Variants in NEK9 observed in about 807,000 individuals in gnomAD.
NEK9 encodes serine/threonine-protein kinase Nek9.
Under a neutral mutation model 123.4 loss-of-function variants are expected in NEK9, and 75 were observed. That is an observed-to-expected ratio of 0.61 (90% CI 0.50 to 0.74). The LOEUF (loss-of-function observed/expected upper bound fraction) is 0.74, where lower values mean the gene tolerates loss of function less well. Among genes scored for constraint, NEK9 ranks in the 30% least tolerant of loss-of-function variants. NEK9 has a pLI of 0.00. For missense variants in NEK9, 952 were observed against 1,214.4 expected (o/e 0.78, Z 3.21); for synonymous variants, 438 against 458.7 (o/e 0.95, Z 0.58).
At chr14:75,098,710 A>G (rs957434860) in intron 16 of NEK9, among the ~76,000 whole-genome samples, 5 of 152,346 alleles carry the variant, frequency 3.3e-5, no homozygotes, top group South Asian at 2.1e-4. Flanking sequence ...GGACTTGGAC[A>G]TGAATGAGGC....
intron 19 of NEK9, 24 bp from the exon 20 acceptor site, chr14:75,088,665 A>G (rs1261045153): frequency 2.5e-6 from 4 of 1,603,230 alleles, no homozygotes; most frequent in Admixed American, 1.7e-5. Context: ...AAAGAATCTC[A>G]TTAGTCTGTT....
Position 75,082,932 on chromosome 14 carries a change from A to G in NEK9, c.*1632T>C. On this transcript the variant is annotated 3_prime_UTR_variant, in exon 22 of 22. Transcript: ENST00000238616. ...AAGAAAAGGTTTCAGTGATTACATTAGTACTAATGTACTAGGCTTCCCAGA... is the reference window on the plus strand; with the variant it reads ...AAGAAAAGGTTTCAGTGATTACATTGGTACTAATGTACTAGGCTTCCCAGA... 4 of 398,662 alleles carry G rather than the reference A, an allele frequency of 1.0e-5. No homozygotes were observed. The highest frequency in any genetic ancestry group is 1.8e-5 in the Non-Finnish European group (4 of 226,076). 24.7% of individuals were successfully genotyped at this position (398,662 alleles called of 1,614,324 possible).
chr14:75,097,114 G>C lies in NEK9; in HGVS notation c.2159C>G (p.Thr720Ser). 1 of 1,608,822 alleles carries C rather than the reference G, an allele frequency of 6.2e-7. No individual in the cohort carries two copies. The change falls in exon 17 of 22, where the codon ACC becomes AGC. Residue 720 changes from threonine (T) to serine (S), a missense_variant. Physicochemically the swap from Thr to Ser is moderately conservative, Grantham distance 58. Transcript: ENST00000238616. ...VPDLSCRGWH[T>S]ILIVEKVLNS... The stretch of plus-strand genomic sequence containing the variant: ...GAAACTCTTACCAACGATGAGAATG[G>C]TATGCCATCCACGGCAAGACAGGTC...
rs1893954027 is a variant in NEK9, at chr14:75,084,420, T to C, written c.*144A>G. 1 of 918,304 alleles carries C rather than the reference T, an allele frequency of 1.1e-6. No homozygotes were observed. Among genetic ancestry groups the C allele is most frequent in the Non-Finnish European group, 1.7e-6 (1 of 593,436 alleles). 56.9% of individuals were successfully genotyped at this position (918,304 alleles called of 1,614,324 possible). Reference sequence around the variant, plus strand: ...AAAAGGCAATGCCACTCTCCAAATGTACAAGGAAAGTGCTTCAGAGCCTCT... The same window carrying C: ...AAAAGGCAATGCCACTCTCCAAATGCACAAGGAAAGTGCTTCAGAGCCTCT... On this transcript the variant is annotated 3_prime_UTR_variant, in exon 22 of 22. Transcript: ENST00000238616.
At chr14:75,115,606 G>A (rs1566657365) in intron 6 of NEK9, among the ~76,000 whole-genome samples, 1 of 152,174 alleles carries the variant, frequency 6.6e-6, no homozygotes, top group Non-Finnish European at 1.5e-5. Flanking sequence ...TTGTTACCAT[G>A]TTATAGATAA....
At chr14:75,122,103 T>TA (rs1895357745) in intron 2 of NEK9, among the ~76,000 whole-genome samples, 1 of 152,192 alleles carries the variant, frequency 6.6e-6, no homozygotes, top group Non-Finnish European at 1.5e-5. Context: ...TGGTTCATCT[T>TA]ACATCCCACC....
At chr14:75,126,355 C>G (rs901408146) in intron 1 of NEK9, among the ~76,000 whole-genome samples, 4 of 151,970 alleles carry the variant, frequency 2.6e-5, no homozygotes, top group African/African-American at 9.7e-5. Context: ...CATTCGTATA[C>G]CACTTTAATT....
chr14:75,091,724 T>C lies in NEK9; in HGVS notation c.2234-246A>G, dbSNP rs184858560. On this transcript the variant is annotated intron_variant, in intron 18 of 21. Transcript: ENST00000238616. Reference sequence around the variant, plus strand: ...AATTCACTTCCATTTACCAACTTTGTTTATCTTGTATCCATAGCAGGTTAT... The same window carrying C: ...AATTCACTTCCATTTACCAACTTTGCTTATCTTGTATCCATAGCAGGTTAT... 71 of 409,014 alleles carry C rather than the reference T, an allele frequency of 1.7e-4. No individual in the cohort carries two copies. In the Middle Eastern group the frequency reaches 3.1e-3, roughly 18 times the overall value. 25.3% of individuals were successfully genotyped at this position (409,014 alleles called of 1,614,324 possible).
chr14:75,115,062 CGTGTGT>C (rs58677851), intron 6 of NEK9, among the ~76,000 whole-genome samples: 11 of 142,432 alleles, frequency 7.7e-5, no homozygotes, highest in East Asian at 2.3e-4. Flanking sequence ...TGTACACACA[CGTGTGT>C]GCACATATAT....
In NEK9 at chr14:75,111,451, T is replaced by A. The variant is rs186255408; in HGVS notation, c.939-1080A>T. ...CTTCCTGTGTCTATGATTTTGTTTATGCTATATTCTCTGTCTGGAAAACTC... is the reference window on the plus strand; with the variant it reads ...CTTCCTGTGTCTATGATTTTGTTTAAGCTATATTCTCTGTCTGGAAAACTC... On this transcript the variant is annotated intron_variant, in intron 8 of 21. Transcript: ENST00000238616. Among the ~76,000 whole-genome samples the A allele has an allele frequency of 2.4e-4, 36 of 152,374 alleles. 1 individual carries two copies. The East Asian group carries it at 6.9e-3, about 29-fold the overall frequency.
At chr14:75,120,824 T>C (rs563553059) in intron 3 of NEK9, 14 of 585,288 alleles carry the variant, frequency 2.4e-5, no homozygotes, top group African/African-American at 1.1e-4. Context: ...AAAGCAGACA[T>C]GTAGGAAAAT....
Position 75,083,110 on chromosome 14 carries a change from T to G in NEK9, c.*1454A>C. On this transcript the variant is annotated 3_prime_UTR_variant, in exon 22 of 22. Coordinates refer to ENST00000238616, the MANE Select transcript of NEK9 (RefSeq NM_033116.6). ...CCATTGCACAAGACCTCCCACAATG[T>G]TGATAAGATTATCAAACATTTTGGT... The G allele has an allele frequency of 2.5e-6, 1 of 398,618 alleles. No individual in the cohort carries two copies. Among genetic ancestry groups the G allele is most frequent in the South Asian group, 1.3e-4 (1 of 7,858 alleles). 24.7% of individuals were successfully genotyped at this position (398,618 alleles called of 1,614,324 possible). A position where few individuals can be genotyped will look rare whatever the true frequency, so the allele number is the denominator to read the frequency against.
intron 1 of NEK9, 105 bp downstream of exon 1, chr14:75,126,598 G>T: frequency 2.5e-6 from 2 of 802,620 alleles, no homozygotes; most frequent in Non-Finnish European, 3.6e-6. Flanking sequence ...CCCCGTGGGC[G>T]CCTAAAGCAC....
Position 75,120,849 on chromosome 14 carries a change from A to T in NEK9, c.454-269T>A, listed in dbSNP as rs1594852593. ...TGTAGGAAAATTCAGGAAGAATGCA[A>T]AGTTATAGAAAACTGGGCATACCAG... is the stretch of plus-strand genomic sequence containing the variant. On this transcript the variant is annotated intron_variant, in intron 3 of 21. Transcript: ENST00000238616. 17 of 593,212 alleles carry T rather than the reference A, an allele frequency of 2.9e-5. No homozygotes were observed. In the East Asian group the frequency reaches 4.8e-4, roughly 17 times the overall value. 36.7% of individuals were successfully genotyped at this position (593,212 alleles called of 1,614,324 possible). A position where few individuals can be genotyped will look rare whatever the true frequency, so the allele number is the denominator to read the frequency against.
At chr14:75,106,438 C>T in intron 12 of NEK9, 64 bp downstream of exon 12, 1 of 1,363,888 alleles carries the variant, frequency 7.3e-7, no homozygotes, top group Admixed American at 1.7e-5. Flanking sequence ...GGTTTAGATG[C>T]ATACAACTTT....
chr14:75,111,715 AC>A (rs1894963624), intron 8 of NEK9, among the ~76,000 whole-genome samples: 3 of 152,072 alleles, frequency 2.0e-5, no homozygotes, highest in African/African-American at 7.2e-5. Context: ...ACGTAGTAAA[AC>A]CTTGTCTCTA....
intron 19 of NEK9, among the ~76,000 whole-genome samples, chr14:75,089,970 T>C (rs530886052): frequency 2.4e-3 from 370 of 152,294 alleles, no homozygotes; most frequent in Non-Finnish European, 4.2e-3. Context: ...GTGCTGGGAT[T>C]ACAGGCGTGA....
chr14:75,102,526 G>A (rs1198998090), intron 14 of NEK9, among the ~76,000 whole-genome samples: 1 of 150,344 alleles, frequency 6.7e-6, no homozygotes, highest in African/African-American at 2.4e-5. Context: ...TTTTTTTTTG[G>A]TATTTTTAGT....
intron 14 of NEK9, among the ~76,000 whole-genome samples, chr14:75,102,190 G>A (rs1303712280): frequency 6.6e-6 from 1 of 152,128 alleles, no homozygotes; most frequent in Non-Finnish European, 1.5e-5. Flanking sequence ...TTCATCTATA[G>A]GGTAGTGTTT....
Sources: allele counts gnomAD v4.1 joint callset (sites outside exome capture counted in the v4.1 genomes callset), GRCh38; gene constraint gnomAD v4.1.1; transcripts MANE v1.5; gene names NCBI Gene and HGNC (gene_info 2026-07-23, HGNC 2026-07-21).